The following ABHD2 variants were observed in gnomAD, a reference collection of about 807,000 sequenced individuals.
ABHD2 encodes the protein abhydrolase domain containing 2, acylglycerol lipase, also known as monoacylglycerol lipase ABHD2.
Under a neutral mutation model 48.1 loss-of-function variants are expected in ABHD2, and 20 were observed. That is an observed-to-expected ratio of 0.42 (90% CI 0.29 to 0.60). The LOEUF is 0.60. Ranked by LOEUF, ABHD2 falls within the 20% of genes least tolerant of loss-of-function variation. ABHD2 has a pLI of 0.24. For synonymous variants in ABHD2, 209 were observed against 214.2 expected, an observed-to-expected ratio of 0.98 and a Z score of 0.21; for missense variants, 405 against 550.9, an observed-to-expected ratio of 0.74 and a Z score of 2.65.
At position 89,188,182 on chromosome 15, in the gene ABHD2, G is replaced by C; in HGVS notation, c.816-11G>C. On this transcript the variant is annotated splice_polypyrimidine_tract_variant and intron_variant, in intron 7 of 10. Coordinates refer to ENST00000352732, the MANE Select transcript of ABHD2 (RefSeq NM_152924.5). This position sits in a 1 kb window ranked among gnomAD's most constrained non-coding sequence, Gnocchi z 4.1. ...CATCTTAATCTCTGTTTGCTTTTGT[G>C]TTTGCTCTAGGCAAGCTCTTTTTGG... 2.5e-6 allele frequency: 4 copies of C among 1,612,632 alleles called. No individual in the cohort carries two copies. Among genetic ancestry groups the C allele is most frequent in the Non-Finnish European group, 3.4e-6 (4 of 1,178,664 alleles).
At chr15:89,088,337 G>C (rs1211055291), upstream of ABHD2, 1 of 152,470 alleles carries the variant, frequency 6.6e-6, no homozygotes, top group East Asian at 1.9e-4. This position sits in a 1 kb window ranked among gnomAD's most constrained non-coding sequence, Gnocchi z 6.8. Context: ...CGCGGGGCAA[G>C]TGGAGAAGCG....
intron 3 of ABHD2, among the ~76,000 whole-genome samples, chr15:89,129,952 A>C (rs531450542): frequency 7.2e-5 from 11 of 152,354 alleles, no homozygotes; most frequent in African/African-American, 2.6e-4. Flanking sequence ...CACGAAGGTC[A>C]CACAAGCACA....
chr15:89,080,694 CTTT>C, the ABHD2 span, among the ~76,000 whole-genome samples: 44 of 141,390 alleles, frequency 3.1e-4, no homozygotes, highest in Admixed American at 7.1e-4. Flanking sequence ...GAAAAGGAGA[CTTT>C]TTTTTTTTTT....
rs1329232957 is a variant in ABHD2, at chr15:89,091,354, C to G, written c.-107+2791C>G. Among the ~76,000 whole-genome samples the G allele has an allele frequency of 6.6e-6, 1 of 152,138 alleles. No individual in the cohort carries two copies. The highest frequency in any genetic ancestry group is 1.5e-5 in the Non-Finnish European group (1 of 68,006). ...ATGCTTTATTTTTCTTGAGTTGATT[C>G]TGAATTTCGGTTTTTGTTTAAGCTG... On this transcript the variant is annotated intron_variant, in intron 1 of 10. Coordinates refer to ENST00000352732, the MANE Select transcript of ABHD2 (RefSeq NM_152924.5). The surrounding 1 kb of genome is among the most constrained non-coding windows in gnomAD (Gnocchi z 5.5).
chr15:89,151,822 T>C lies in ABHD2; in HGVS notation c.340T>C (p.Phe114Leu). The C allele has an allele frequency of 6.2e-7, 1 of 1,614,202 alleles. No homozygotes were observed. The highest frequency in any genetic ancestry group is 1.1e-5 in the South Asian group (1 of 91,082). The change falls in exon 4 of 11, where the codon TTC becomes CTC. Residue 114 changes from phenylalanine (F) to leucine (L), a missense_variant. Phe to Leu is a conservative substitution (Grantham distance 22). Transcript: ENST00000352732. This position sits in a 1 kb window ranked among gnomAD's most constrained non-coding sequence, Gnocchi z 4.7. ...TGGAGCCACTTCTACATTCGACCTC[T>C]TCGAGCCCTTGGCTGAGCACTGTGT... ...SDGATSTFDL[F>L]EPLAEHCVGD... is the part of the protein sequence containing the mutation.
chr15:89,043,692 G>A, the ABHD2 span, among the ~76,000 whole-genome samples: 3 of 130,188 alleles, frequency 2.3e-5, no homozygotes, highest in African/African-American at 8.6e-5. Flanking sequence ...GGAGGGGGAG[G>A]AGGAGGAGAG....
In ABHD2 at chr15:89,088,698, G is replaced by C. The variant is rs902066891; in HGVS notation, c.-107+135G>C. 1 of 152,428 alleles carries C rather than the reference G, an allele frequency of 6.6e-6. No homozygotes were observed. The highest frequency in any genetic ancestry group is 1.5e-5 in the Non-Finnish European group (1 of 68,194). 9.4% of individuals were successfully genotyped at this position (152,428 alleles called of 1,614,324 possible). On this transcript the variant is annotated intron_variant, in intron 1 of 10. Coordinates refer to ENST00000352732, the MANE Select transcript of ABHD2 (RefSeq NM_152924.5). This position sits in a 1 kb window ranked among gnomAD's most constrained non-coding sequence, Gnocchi z 6.8. ...AGCCTGAGGGGATCCTGGGGGGCCT[G>C]TCATCTGGCGCCGTGGGGGTCCCAG...
the ABHD2 span, among the ~76,000 whole-genome samples, chr15:89,067,738 C>A: frequency 1.3e-5 from 2 of 152,194 alleles, no homozygotes; most frequent in South Asian, 4.1e-4. Flanking sequence ...TTCTACAGCA[C>A]CTCCTGCCTG....
In ABHD2 at chr15:89,185,190, G is replaced by A. The variant is rs546254947; in HGVS notation, c.723-234G>A. Reference sequence around the variant, plus strand: ...GGGTGCCACCAACAAAGCCTCTGGCGCTAGAGAGGGCCTTTGCCGGGGTCC... The same window carrying A: ...GGGTGCCACCAACAAAGCCTCTGGCACTAGAGAGGGCCTTTGCCGGGGTCC... On this transcript the variant is annotated intron_variant, in intron 6 of 10. Transcript: ENST00000352732. The surrounding 1 kb of genome is among the most constrained non-coding windows in gnomAD (Gnocchi z 5.9). Among the ~76,000 whole-genome samples, 7 of 152,316 alleles carry A rather than the reference G, an allele frequency of 4.6e-5. No individual in the cohort carries two copies. The South Asian group carries it at 1.0e-3, about 23-fold the overall frequency.
chr15:89,088,593 A>G lies in ABHD2; in HGVS notation c.-107+30A>G, dbSNP rs919115203. ...AGCCACGGCCGAGCGAGCTCCGCGGAGCGGGGATCGCACCCCGGACCCGTC... is the reference window on the plus strand; with the variant it reads ...AGCCACGGCCGAGCGAGCTCCGCGGGGCGGGGATCGCACCCCGGACCCGTC... On this transcript the variant is annotated intron_variant, in intron 1 of 10. Coordinates refer to ENST00000352732, the MANE Select transcript of ABHD2 (RefSeq NM_152924.5). The surrounding 1 kb of genome is among the most constrained non-coding windows in gnomAD (Gnocchi z 6.8). The G allele has an allele frequency of 2.6e-5, 4 of 152,330 alleles. No individual in the cohort carries two copies. Among genetic ancestry groups the G allele is most frequent in the African/African-American group, 9.6e-5 (4 of 41,466 alleles). 9.4% of individuals were successfully genotyped at this position (152,330 alleles called of 1,614,324 possible).
rs758834621 is a variant in ABHD2 at position 89,199,125 on chromosome 15, G to T, written c.*3702G>T. The T allele has an allele frequency of 6.6e-6, 1 of 151,550 alleles. No individual in the cohort carries two copies. The highest frequency in any genetic ancestry group is 1.5e-5 in the Non-Finnish European group (1 of 67,980). The allele number at this position is 151,550 out of a possible 1,614,324, so 9.4% of individuals were successfully genotyped here. A position where few individuals can be genotyped will look rare whatever the true frequency, so the allele number is the denominator to read the frequency against. The stretch of plus-strand genomic sequence containing the variant: ...ACTTTCTGGGTAGCTGAGCTTATAT[G>T]CCCGGCATCTGAATGAGAGCTCTCT... On this transcript the variant is annotated 3_prime_UTR_variant, in exon 11 of 11. Coordinates refer to ENST00000352732, the MANE Select transcript of ABHD2 (RefSeq NM_152924.5). The surrounding 1 kb of genome is among the most constrained non-coding windows in gnomAD (Gnocchi z 4.1).
Position 89,167,407 on chromosome 15 carries a change from G to A in ABHD2, c.539-8405G>A, listed in dbSNP as rs2150914439. Among the ~76,000 whole-genome samples, 1 of 152,284 alleles carries A rather than the reference G, an allele frequency of 6.6e-6. No homozygotes were observed. Among genetic ancestry groups the A allele is most frequent in the Non-Finnish European group, 1.5e-5 (1 of 68,028 alleles). On this transcript the variant is annotated intron_variant, in intron 5 of 10. Coordinates refer to ENST00000352732, the MANE Select transcript of ABHD2 (RefSeq NM_152924.5). This position sits in a 1 kb window ranked among gnomAD's most constrained non-coding sequence, Gnocchi z 5.5. ...TGAAAGTGAAGGTAGTGAGTTTGCA[G>A]AACTCAGACATCGTAGTAAAACACC...
the ABHD2 span, among the ~76,000 whole-genome samples, chr15:89,080,420 G>A: frequency 6.6e-6 from 1 of 152,338 alleles, no homozygotes; most frequent in South Asian, 2.1e-4. Flanking sequence ...AAGCTGAACT[G>A]TAGACCAGCT....
the ABHD2 span, among the ~76,000 whole-genome samples, chr15:89,077,812 G>C: frequency 6.6e-6 from 1 of 152,018 alleles, no homozygotes; most frequent in Non-Finnish European, 1.5e-5. Flanking sequence ...AGTTAACCTG[G>C]TCTGCTTTTC....
intron 5 of ABHD2, among the ~76,000 whole-genome samples, chr15:89,172,614 ATAAT>A (rs1190575030): frequency 1.3e-5 from 2 of 152,248 alleles, no homozygotes; most frequent in African/African-American, 2.4e-5. Context: ...AAAAGAGAAA[ATAAT>A]TAGAGTCAGT....
At chr15:89,165,246 A>G (rs1352343511) in intron 5 of ABHD2, among the ~76,000 whole-genome samples, 1 of 152,234 alleles carries the variant, frequency 6.6e-6, no homozygotes, top group Non-Finnish European at 1.5e-5. Flanking sequence ...CAGTACTGGA[A>G]AGAGTTTTTA....
At position 89,185,388 on chromosome 15, in the gene ABHD2, C is replaced by A; in HGVS notation, c.723-36C>A. The A allele has an allele frequency of 6.3e-7, 1 of 1,588,856 alleles. No individual in the cohort carries two copies. Among genetic ancestry groups the A allele is most frequent in the Non-Finnish European group, 8.6e-7 (1 of 1,157,718 alleles). On this transcript the variant is annotated intron_variant, in intron 6 of 10. Coordinates refer to ENST00000352732, the MANE Select transcript of ABHD2 (RefSeq NM_152924.5). The surrounding 1 kb of genome is among the most constrained non-coding windows in gnomAD (Gnocchi z 5.9). ...TCCTGGCTGCCCGCCTGCACCCCCA[C>A]ACCGCAGTCACCCTCACTCGCTGTG...
the ABHD2 span, among the ~76,000 whole-genome samples, chr15:89,080,909 T>A: frequency 6.6e-6 from 1 of 152,058 alleles, no homozygotes; most frequent in African/African-American, 2.4e-5. Flanking sequence ...ATACAGTATT[T>A]GTCCTCTTGT....
At chr15:89,043,268 G>C in the ABHD2 span, among the ~76,000 whole-genome samples, 1 of 152,094 alleles carries the variant, frequency 6.6e-6, no homozygotes, top group African/African-American at 2.4e-5. Flanking sequence ...CAGCAGAAGA[G>C]CTGGGGTTTG....
Sources: gnomAD v4.1 joint callset for allele counts (sites outside exome capture counted in the v4.1 genomes callset) on GRCh38, gnomAD v4.1.1 for gene constraint, Gnocchi (gnomAD v3.1) non-coding constraint, MANE v1.5 for transcripts, NCBI Gene and HGNC (gene_info 2026-07-23, HGNC 2026-07-21) for gene names.